Variants in CARD10 observed in about 807,000 individuals in gnomAD.
CARD10 encodes the protein caspase recruitment domain-containing protein 10.
Under a neutral mutation model 114.6 loss-of-function variants are expected in CARD10, and 49 were observed. The ratio of observed to expected loss-of-function variants is 0.43; its 90% confidence interval spans 0.34 to 0.54. CARD10 has a LOEUF of 0.54. Among genes scored for constraint, CARD10 ranks in the 20% least tolerant of loss-of-function variants. The pLI is 0.03. For missense variants in CARD10, 1,206 were observed against 1,397.2 expected (o/e 0.86, Z 2.18); for synonymous variants, 602 against 593.2 (o/e 1.01, Z -0.21).
At chr22:37,497,947 C>T (rs974219025) in intron 11 of CARD10, among the ~76,000 whole-genome samples, 1 of 151,998 alleles carries the variant, frequency 6.6e-6, no homozygotes, top group African/African-American at 2.4e-5. Context: ...TACAACCAGC[C>T]GTGGAAGCAG....
At chr22:37,506,683 C>T (rs1279122013) in intron 6 of CARD10, among the ~76,000 whole-genome samples, 1 of 152,164 alleles carries the variant, frequency 6.6e-6, no homozygotes, top group Non-Finnish European at 1.5e-5. Flanking sequence ...CACCATTTCA[C>T]CAAGAACTGA....
intron 4 of CARD10, 199 bp from the exon 5 acceptor site, chr22:37,508,881 T>G: frequency 7.9e-7 from 1 of 1,268,950 alleles, no homozygotes. Flanking sequence ...CTACCCACCC[T>G]CCAGGGAGTA....
chr22:37,492,711 C>G lies in CARD10; in HGVS notation c.2568G>C (p.Ala856=). ...CTAGCAGGTTACGGATGAGCCGGGG[C>G]GCCAGGCACTCAGGCAACAGCACCA... ...RPVVLLPECL[A]PRLIRNLLDL... is the part of the protein sequence containing the mutation. The change falls in exon 17 of 20, where the codon GCG becomes GCC. Residue 856 remains alanine, a synonymous_variant. Transcript: ENST00000251973. The surrounding 1 kb of genome is among the most constrained non-coding windows in gnomAD (Gnocchi z 5.7). 6.2e-7 allele frequency: 1 copy of G among 1,613,038 alleles called. No homozygotes were observed. Among genetic ancestry groups the G allele is most frequent in the Non-Finnish European group, 8.5e-7 (1 of 1,179,926 alleles).
Position 37,515,488 on chromosome 22 carries a change from G to A in CARD10, c.699+485C>T, listed in dbSNP as rs531889676. On this transcript the variant is annotated intron_variant, in intron 3 of 19. Transcript: ENST00000251973. ...TGAGGCAGGAGAATCGCTGGAACCC[G>A]GGAGGCAGAGGCTGCAAGGAGCCGA... Among the ~76,000 whole-genome samples, 154 of 149,586 alleles carry A rather than the reference G, an allele frequency of 1.0e-3. 2 individuals carry two copies. The highest frequency in any genetic ancestry group is 3.7e-3 in the African/African-American group (151 of 40,456).
intron 11 of CARD10, among the ~76,000 whole-genome samples, chr22:37,499,992 G>C (rs1360944201): frequency 6.6e-6 from 1 of 152,206 alleles, no homozygotes; most frequent in Non-Finnish European, 1.5e-5. Context: ...CAGGAACGGG[G>C]CAAGTCTGCC....
At chr22:37,518,402 C>A (rs1923913471) in intron 1 of CARD10, among the ~76,000 whole-genome samples, 1 of 152,334 alleles carries the variant, frequency 6.6e-6, no homozygotes, top group South Asian at 2.1e-4. Flanking sequence ...GAAGCCCCCT[C>A]TATCCCCAGA....
rs7287804 is a variant in CARD10 at position 37,519,093 on chromosome 22, A to G, written c.108T>C (p.His36=). 0.061 allele frequency: 97,825 copies of G among 1,590,852 alleles called. 5,425 individuals carry two copies. Among genetic ancestry groups the G allele is most frequent in the African/African-American group, 0.3 (22,159 of 74,514 alleles). The part of the protein sequence containing the change: ...ALWERIEGVR[H]RLARALNPAK... ...CCGGGTTCAGGGCGCGAGCCAGCCG[A>G]TGCCGGACGCCCTCGATTCGCTCCC... Residue 36 remains histidine (H), a synonymous_variant, in exon 1 of 20, where the codon CAT becomes CAC. Transcript: ENST00000251973. This position sits in a 1 kb window ranked among gnomAD's most constrained non-coding sequence, Gnocchi z 4.1.
At chr22:37,491,913 T>G in intron 18 of CARD10, 46 bp from the exon 19 acceptor site, 1 of 1,345,678 alleles carries the variant, frequency 7.4e-7, no homozygotes, top group Non-Finnish European at 1.1e-6. Context: ...GCCACAGACA[T>G]CAGCCTCCCA....
rs573480660 is a variant in CARD10, at chr22:37,494,998, T to C, written c.2373+519A>G. On this transcript the variant is annotated intron_variant, in intron 15 of 19. Transcript: ENST00000251973. ...TTTTTTTTGAAACGGAGTCTTGCCC[T>C]GTGGCCCAGGCTGGAGTGCAGTGGC... is the stretch of plus-strand genomic sequence containing the variant. Among the ~76,000 whole-genome samples, 223 of 152,154 alleles carry C rather than the reference T, an allele frequency of 1.5e-3. 1 individual carries two copies. Among genetic ancestry groups the C allele is most frequent in the African/African-American group, 4.8e-3 (199 of 41,488 alleles).
At chr22:37,513,361 C>T (rs1379653369) in intron 3 of CARD10, among the ~76,000 whole-genome samples, 1 of 152,218 alleles carries the variant, frequency 6.6e-6, no homozygotes, top group Non-Finnish European at 1.5e-5. Flanking sequence ...CCACCCGCCT[C>T]AGCCTCCCAA....
At chr22:37,508,735 G>A (rs1318315185) in intron 4 of CARD10, 53 bp from the exon 5 acceptor site, 8 of 1,493,560 alleles carry the variant, frequency 5.4e-6, no homozygotes, top group Middle Eastern at 2.0e-4. Context: ...GCCCACCCTG[G>A]GTGTGGGAAG....
Position 37,492,689 on chromosome 22 carries a change from G to C in CARD10, c.2590C>G (p.Leu864Val). Residue 864 changes from leucine (L) to valine (V), a missense_variant, in exon 17 of 20, where the codon CTA (leucine) becomes GTA (valine). By Grantham distance (32) the Leu-to-Val change is conservative. Coordinates refer to ENST00000251973, the MANE Select transcript of CARD10 (RefSeq NM_014550.4). The surrounding 1 kb of genome is among the most constrained non-coding windows in gnomAD (Gnocchi z 5.7). The stretch of plus-strand genomic sequence containing the variant: ...TCCAGCCGGGAGCTGGGCAGGTCTA[G>C]CAGGTTACGGATGAGCCGGGGCGCC... ...CLAPRLIRNLLDLPSSRLDFQ... is the reference protein window; with the variant it reads ...CLAPRLIRNLVDLPSSRLDFQ... The C allele has an allele frequency of 6.2e-7, 1 of 1,613,166 alleles. No homozygotes were observed. Among genetic ancestry groups the C allele is most frequent in the Non-Finnish European group, 8.5e-7 (1 of 1,179,908 alleles).
intron 3 of CARD10, 167 bp from the exon 4 acceptor site, chr22:37,510,588 G>A (rs1923603975): frequency 3.2e-6 from 2 of 615,840 alleles, no homozygotes; most frequent in Admixed American, 5.9e-5. Flanking sequence ...AGGCTGGACA[G>A]ATATAAAACA....
In CARD10 at chr22:37,512,586, C is replaced by T. The variant is rs185443625; in HGVS notation, c.700-2165G>A. Among the ~76,000 whole-genome samples, 1,062 of 152,022 alleles carry T rather than the reference C, an allele frequency of 7.0e-3. 9 individuals carry two copies. The highest frequency in any genetic ancestry group is 0.011 in the Non-Finnish European group (725 of 67,984). On this transcript the variant is annotated intron_variant, in intron 3 of 19. Coordinates refer to ENST00000251973, the MANE Select transcript of CARD10 (RefSeq NM_014550.4). ...TCCACTCCTCCTCCTCCGCAAGAGA[C>T]TCAGAAAGAAATTCATGACTCCCGC... is the stretch of plus-strand genomic sequence containing the variant.
At chr22:37,504,849 T>C in intron 7 of CARD10, 80 bp from the exon 8 acceptor site, 3 of 791,206 alleles carry the variant, frequency 3.8e-6, no homozygotes, top group South Asian at 3.5e-5. Context: ...GCACCTGCCA[T>C]GTGCCAGCAC....
chr22:37,518,985 C>G lies in CARD10; in HGVS notation c.216G>C (p.Pro72=). The change falls in exon 1 of 20, where the codon CCG becomes CCC. Residue 72 remains proline, a synonymous_variant. Coordinates refer to ENST00000251973, the MANE Select transcript of CARD10 (RefSeq NM_014550.4). ...EEEVLSTYRF[P]CRVNRTGRLM... The stretch of plus-strand genomic sequence containing the variant: ...GCTCACCGGTGCGGTTGACGCGGCA[C>G]GGGAAGCGGTAGGTGCTCAGCACCT... 1 of 1,554,300 alleles carries G rather than the reference C, an allele frequency of 6.4e-7. No homozygotes were observed. The highest frequency in any genetic ancestry group is 1.2e-5 in the South Asian group (1 of 85,948).
In CARD10 at chr22:37,496,722, C is replaced by G. The variant is rs1369736401; in HGVS notation, c.1948-162G>C. 1.5e-6 allele frequency: 1 copy of G among 654,506 alleles called. No individual in the cohort carries two copies. The allele number at this position is 654,506 out of a possible 1,614,324, so 40.5% of individuals were successfully genotyped here. ...CCAGCCCAGTCAGACCCGTCCCCAT[C>G]CACAGGACGCCCCCATCCACAGGAC... On this transcript the variant is annotated intron_variant, in intron 12 of 19. Transcript: ENST00000251973. The surrounding 1 kb of genome is among the most constrained non-coding windows in gnomAD (Gnocchi z 4.1).
chr22:37,506,344 G>T lies in CARD10; in HGVS notation c.1231C>A (p.Gln411Lys). The change falls in exon 7 of 20, where the codon CAG (glutamine) becomes AAG (lysine). Residue 411 changes from glutamine (Q) to lysine (K), a missense_variant. This residue lies in a region of CARD10 where 1,068 missense variants were observed against 1,179.1 expected (regional missense o/e 0.91). Transcript: ENST00000251973. Reference sequence around the variant, plus strand: ...TACTGGTCCTTCTCGATGAGGCTCTGTGAGTACTGCAACTGGATCCGGTCA... The same window carrying T: ...TACTGGTCCTTCTCGATGAGGCTCTTTGAGTACTGCAACTGGATCCGGTCA... ...SRDRIQLQYS[Q>K]SLIEKDQYRK... The T allele has an allele frequency of 6.2e-7, 1 of 1,602,382 alleles. No individual in the cohort carries two copies. Among genetic ancestry groups the T allele is most frequent in the Admixed American group, 1.7e-5 (1 of 58,894 alleles).
intron 2 of CARD10, among the ~76,000 whole-genome samples, chr22:37,517,380 G>A (rs1050184661): frequency 8.5e-5 from 13 of 152,216 alleles, no homozygotes; most frequent in African/African-American, 2.9e-4. Context: ...GCTCACGCCT[G>A]TAATCCCAGC....
Sources: allele counts gnomAD v4.1 joint callset (sites outside exome capture counted in the v4.1 genomes callset), GRCh38; gene constraint gnomAD v4.1.1; regional missense constraint gnomAD v4.1.1; non-coding constraint Gnocchi (gnomAD v3.1); transcripts MANE v1.5; gene names NCBI Gene and HGNC (gene_info 2026-07-23, HGNC 2026-07-21).